ZSCAN26: variants seen among roughly 807,000 people sequenced by gnomAD.
The protein encoded by ZSCAN26 is zinc finger and SCAN domain-containing protein 26.
A neutral mutation model predicts 23.0 loss-of-function variants in ZSCAN26; 26 were observed. That is an observed-to-expected ratio of 1.13 (90% CI 0.83 to 1.57). The LOEUF is 1.57. ZSCAN26 is among the 40% of genes most tolerant of loss of function. ZSCAN26 has a pLI of 0.00. For synonymous variants in ZSCAN26, 180 were observed against 202.5 expected (o/e 0.89, Z 0.94); for missense variants, 528 against 568.5 (o/e 0.93, Z 0.72).
At chr6:28,272,427 A>G in intron 2 of ZSCAN26, 88 bp downstream of exon 2, 1 of 1,389,842 alleles carries the variant, frequency 7.2e-7, no homozygotes, top group South Asian at 1.5e-5. Context: ...GCGGAAGGAG[A>G]ATTACTAAGC....
chr6:28,274,085 TTC>T (rs1419383256), intron 3 of ZSCAN26, among the ~76,000 whole-genome samples: 2 of 145,882 alleles, frequency 1.4e-5, no homozygotes, highest in African/African-American at 5.3e-5. Context: ...TTTTCATTTC[TTC>T]TTTTTTTTTT....
rs769518702 is a variant in ZSCAN26 at position 28,277,046 on chromosome 6, T to G, written c.1390T>G (p.Ser464Ala). ...SECGEAFRQR[S>A]GLFQHQRYHH... ...ATGTGGAGAAGCCTTCAGGCAAAGGTCAGGTCTTTTTCAACATCAGAGATA... is the reference window on the plus strand; with the variant it reads ...ATGTGGAGAAGCCTTCAGGCAAAGGGCAGGTCTTTTTCAACATCAGAGATA... The change falls in exon 4 of 4, where the codon TCA becomes GCA. Residue 464 changes from serine to alanine, a missense_variant. By Grantham distance (99) the Ser-to-Ala change is moderately conservative. Transcript: ENST00000421553. 6.2e-7 allele frequency: 1 copy of G among 1,613,808 alleles called. No homozygotes were observed. The highest frequency in any genetic ancestry group is 8.5e-7 in the Non-Finnish European group (1 of 1,179,836).
At position 28,277,010 on chromosome 6, in the gene ZSCAN26, C is replaced by T; in HGVS notation, c.1354C>T (p.Gln452Ter). The T allele has an allele frequency of 6.2e-7, 1 of 1,613,984 alleles. No homozygotes were observed. Among genetic ancestry groups the T allele is most frequent in the Non-Finnish European group, 8.5e-7 (1 of 1,179,868 alleles). Residue 452 changes from glutamine to a stop codon, truncating the protein, a stop_gained, in exon 4 of 4, where the codon CAG becomes TAG. Transcript: ENST00000421553. LOFTEE classifies it high-confidence loss of function. ...AATCCACAATGAAGAAAAACCCTATCAGTGTAGTGAATGTGGAGAAGCCTT... is the reference window on the plus strand; with the variant it reads ...AATCCACAATGAAGAAAAACCCTATTAGTGTAGTGAATGTGGAGAAGCCTT... The part of the protein sequence containing the change: ...VRIHNEEKPY[Q>*]CSECGEAFRQ...
Position 28,272,136 on chromosome 6 carries a change from C to T in ZSCAN26, c.217C>T (p.Arg73Trp), listed in dbSNP as rs749299020. Residue 73 changes from arginine (R) to tryptophan (W), a missense_variant, in exon 2 of 4, where the codon CGG (arginine) becomes TGG (tryptophan). Transcript: ENST00000421553. ...ACCTCGAGAAGCACTAAGTCGGCTC[C>T]GGGAGCTCTGTCAACAGTGGCTACA... ...TGPREALSRL[R>W]ELCQQWLQPE... 12 of 1,610,674 alleles carry T rather than the reference C, an allele frequency of 7.5e-6. No individual in the cohort carries two copies. Among genetic ancestry groups the T allele is most frequent in the Middle Eastern group, 1.7e-4 (1 of 6,060 alleles).
intron 1 of ZSCAN26, among the ~76,000 whole-genome samples, chr6:28,270,387 C>T (rs968484065): frequency 1.3e-5 from 2 of 152,206 alleles, no homozygotes; most frequent in African/African-American, 4.8e-5. Flanking sequence ...CAGCAGCTGA[C>T]AGATGGTGTT....
In ZSCAN26 at chr6:28,276,594, G is replaced by A. The variant is rs777833357; in HGVS notation, c.938G>A (p.Cys313Tyr). Residue 313 changes from cysteine (C) to tyrosine (Y), a missense_variant, in exon 4 of 4, where the codon TGC (cysteine) becomes TAC (tyrosine). Cys to Tyr is a radical substitution (Grantham distance 194). Transcript: ENST00000421553. ...KIHLGEKPYQ[C>Y]NECGKVFSQN... ...CATCTTGGTGAGAAGCCTTATCAGT[G>A]CAATGAGTGTGGCAAAGTCTTTAGC... is the stretch of plus-strand genomic sequence containing the variant. 5.0e-6 allele frequency: 8 copies of A among 1,612,732 alleles called. No homozygotes were observed. The highest frequency in any genetic ancestry group is 1.3e-5 in the African/African-American group (1 of 74,920).
Position 28,277,206 on chromosome 6 carries a change from G to C in ZSCAN26, c.*110G>C, listed in dbSNP as rs932300364. 8.9e-7 allele frequency: 1 copy of C among 1,117,946 alleles called. No individual in the cohort carries two copies. Among genetic ancestry groups the C allele is most frequent in the Non-Finnish European group, 1.3e-6 (1 of 786,264 alleles). 69.3% of individuals were successfully genotyped at this position (1,117,946 alleles called of 1,614,324 possible). ...TGGCATCAGAAAATTCTTGGGGGCT[G>C]AGTTGGAGGCTCCCTGCCTCTATTC... On this transcript the variant is annotated 3_prime_UTR_variant, in exon 4 of 4. Coordinates refer to ENST00000421553, the MANE Select transcript of ZSCAN26 (RefSeq NM_001023560.4).
At chr6:28,271,339 T>C (rs889858261) in intron 1 of ZSCAN26, among the ~76,000 whole-genome samples, 1 of 152,230 alleles carries the variant, frequency 6.6e-6, no homozygotes, top group African/African-American at 2.4e-5. Flanking sequence ...TTCCTTGTCT[T>C]TCACTTGTCT....
chr6:28,271,852 A>T lies in ZSCAN26; in HGVS notation c.-66-2A>T. ...CTGTCACTCTTGTTACTATAATTTTAGGAGTGTCTCTGAAGATACAGTCCA... is the reference window on the plus strand; with the variant it reads ...CTGTCACTCTTGTTACTATAATTTTTGGAGTGTCTCTGAAGATACAGTCCA... On this transcript the variant is annotated splice_acceptor_variant, in intron 1 of 3. Coordinates refer to ENST00000421553, the MANE Select transcript of ZSCAN26 (RefSeq NM_001023560.4). LOFTEE classifies it low-confidence loss of function (5UTR_SPLICE). The T allele has an allele frequency of 7.5e-7, 1 of 1,326,014 alleles. No individual in the cohort carries two copies. Among genetic ancestry groups the T allele is most frequent in the Non-Finnish European group, 1.0e-6 (1 of 981,100 alleles). 82.1% of individuals were successfully genotyped at this position (1,326,014 alleles called of 1,614,324 possible). A position where few individuals can be genotyped will look rare whatever the true frequency, so the allele number is the denominator to read the frequency against.
chr6:28,276,888 T>C lies in ZSCAN26; in HGVS notation c.1232T>C (p.Ile411Thr), dbSNP rs760650910. 1.1e-5 allele frequency: 18 copies of C among 1,614,000 alleles called. No homozygotes were observed. In the South Asian group the frequency reaches 1.8e-4, roughly 16 times the overall value. The part of the protein sequence containing the change: ...GKAFSLTSDL[I>T]RHHRIHTGEK... ...GCTTTCAGTTTGACCTCAGACCTTA[T>C]TCGACACCACAGAATTCATACTGGA... Residue 411 changes from isoleucine (I) to threonine (T), a missense_variant, in exon 4 of 4, where the codon ATT (isoleucine) becomes ACT (threonine). Ile to Thr is a moderately conservative substitution (Grantham distance 89, BLOSUM62 -1). Coordinates refer to ENST00000421553, the MANE Select transcript of ZSCAN26 (RefSeq NM_001023560.4).
chr6:28,272,605 C>T (rs1761745269), intron 2 of ZSCAN26, 65 bp from the exon 3 acceptor site: 1 of 1,339,796 alleles, frequency 7.5e-7, no homozygotes, highest in East Asian at 2.5e-5. Flanking sequence ...AGGTGTTTTA[C>T]TGAACAGCAG....
intron 1 of ZSCAN26, among the ~76,000 whole-genome samples, chr6:28,270,068 C>T (rs1037157997): frequency 3.3e-5 from 5 of 152,240 alleles, no homozygotes; most frequent in Non-Finnish European, 5.9e-5. Flanking sequence ...CTTAGCCTCC[C>T]GAGTAGCTAG....
chr6:28,276,774 GA>G lies in ZSCAN26; in HGVS notation c.1123del (p.Thr375ProfsTer32). ...GAGCCCTGTGAGTGCAAGGAGTGTGGAAAAACCTTTAGTCAGGCCTTACTCC... is the reference window on the plus strand; with the variant it reads ...GAGCCCTGTGAGTGCAAGGAGTGTGGAAAACCTTTAGTCAGGCCTTACTCC... ...QEEPCECKEC[G>X]KTFSQALLLT... On this transcript the variant is annotated frameshift_variant, in exon 4 of 4. Coordinates refer to ENST00000421553, the MANE Select transcript of ZSCAN26 (RefSeq NM_001023560.4). LOFTEE classifies it low-confidence loss of function (END_TRUNC). 6.2e-7 allele frequency: 1 copy of G among 1,613,906 alleles called. No homozygotes were observed. Among genetic ancestry groups the G allele is most frequent in the South Asian group, 1.1e-5 (1 of 91,076 alleles).
At chr6:28,269,230 T>C (rs1322368812) in intron 1 of ZSCAN26, among the ~76,000 whole-genome samples, 1 of 152,044 alleles carries the variant, frequency 6.6e-6, no homozygotes, top group Non-Finnish European at 1.5e-5. Context: ...GTGGCATAGA[T>C]ATATACTGAT....
intron 1 of ZSCAN26, among the ~76,000 whole-genome samples, chr6:28,268,457 A>G (rs1021754714): frequency 1.3e-5 from 2 of 152,234 alleles, no homozygotes; most frequent in Non-Finnish European, 2.9e-5. Context: ...ATCAGCCATT[A>G]TATGTAACAG....
At chr6:28,272,565 G>A in intron 2 of ZSCAN26, 105 bp from the exon 3 acceptor site, 1 of 1,092,240 alleles carries the variant, frequency 9.2e-7, no homozygotes, top group Non-Finnish European at 1.3e-6. Flanking sequence ...GCCCCTCTGG[G>A]GTTTCTCTTT....
At position 28,272,160 on chromosome 6, in the gene ZSCAN26, C is replaced by T. The variant is rs747366919; in HGVS notation, c.241C>T (p.Gln81Ter). Residue 81 changes from glutamine (Q) to a stop codon, truncating the protein, a stop_gained, in exon 2 of 4, where the codon CAG becomes TAG. Coordinates refer to ENST00000421553, the MANE Select transcript of ZSCAN26 (RefSeq NM_001023560.4). LOFTEE classifies it high-confidence loss of function. Reference protein sequence around the residue: ...RLRELCQQWLQPETHTKEQIL... With the variant: ...RLRELCQQWL ...CCGGGAGCTCTGTCAACAGTGGCTACAGCCCGAGACCCATACCAAGGAGCA... is the reference window on the plus strand; with the variant it reads ...CCGGGAGCTCTGTCAACAGTGGCTATAGCCCGAGACCCATACCAAGGAGCA... The T allele has an allele frequency of 1.2e-6, 2 of 1,612,264 alleles. No individual in the cohort carries two copies. Among genetic ancestry groups the T allele is most frequent in the South Asian group, 1.1e-5 (1 of 90,946 alleles).
chr6:28,269,305 C>G (rs1043316154), intron 1 of ZSCAN26, among the ~76,000 whole-genome samples: 2 of 151,790 alleles, frequency 1.3e-5, no homozygotes, highest in Non-Finnish European at 2.9e-5. Context: ...AATACGAATA[C>G]AGGTATATAT....
intron 3 of ZSCAN26, among the ~76,000 whole-genome samples, chr6:28,275,348 C>G (rs1252725830): frequency 4.6e-5 from 7 of 152,190 alleles, no homozygotes; most frequent in Non-Finnish European, 1.0e-4. Context: ...TCTTCTCACC[C>G]GTCTGCTTGT....
Sources: gnomAD v4.1 joint callset for allele counts (sites outside exome capture counted in the v4.1 genomes callset) on GRCh38, gnomAD v4.1.1 for gene constraint, MANE v1.5 for transcripts, NCBI Gene and HGNC (gene_info 2026-07-23, HGNC 2026-07-21) for gene names.